Variants in CWF19L1 observed in about 807,000 individuals in gnomAD.
CWF19L1 encodes CWF19-like protein 1.
CWF19L1 carries 60 observed loss-of-function variants against 69.7 expected under a neutral mutation model. That is an observed-to-expected ratio of 0.86 (90% CI 0.70 to 1.07). The LOEUF is 1.07. CWF19L1 is among the 50% of genes least tolerant of loss of function. CWF19L1 has a pLI of 0.00. For missense variants in CWF19L1, 591 were observed against 638.9 expected (o/e 0.92, Z 0.81); for synonymous variants, 209 against 222.2 (o/e 0.94, Z 0.53).
intron 4 of CWF19L1, among the ~76,000 whole-genome samples, chr10:100,256,816 A>G (rs1333105916): frequency 2.0e-5 from 3 of 152,230 alleles, no homozygotes; most frequent in Non-Finnish European, 4.4e-5. Context: ...ACATGGACTT[A>G]AATGCAGACA....
chr10:100,235,483 G>A (rs957826094), intron 13 of CWF19L1, among the ~76,000 whole-genome samples, 184 bp downstream of exon 13: 1 of 152,162 alleles, frequency 6.6e-6, no homozygotes, highest in South Asian at 2.1e-4. Context: ...CCAAAACTCT[G>A]TCATGGTACT....
intron 1 of CWF19L1, among the ~76,000 whole-genome samples, chr10:100,262,680 T>C (rs1415916162): frequency 6.6e-6 from 1 of 152,156 alleles, no homozygotes; most frequent in East Asian, 1.9e-4. Context: ...AACAGAGGTA[T>C]GTGTGAAGTG....
chr10:100,263,845 A>G (rs1344005387), intron 1 of CWF19L1, among the ~76,000 whole-genome samples: 1 of 152,228 alleles, frequency 6.6e-6, no homozygotes, highest in Non-Finnish European at 1.5e-5. Flanking sequence ...ACCTAATCCC[A>G]GCTGTTCTCT....
intron 1 of CWF19L1, among the ~76,000 whole-genome samples, chr10:100,263,366 C>T (rs1007670812): frequency 6.6e-6 from 1 of 152,192 alleles, no homozygotes; most frequent in Non-Finnish European, 1.5e-5. Context: ...TTTTTCCCAT[C>T]CTTCAAGGTT....
chr10:100,237,382 C>T, intron 11 of CWF19L1: 1 of 415,376 alleles, frequency 2.4e-6, no homozygotes, highest in South Asian at 1.8e-5. Flanking sequence ...TAAGCTTTCC[C>T]TCATGCTGGG....
chr10:100,253,060 G>C (rs1293969421), intron 6 of CWF19L1, among the ~76,000 whole-genome samples: 6 of 152,240 alleles, frequency 3.9e-5, no homozygotes, highest in African/African-American at 1.4e-4. Flanking sequence ...CCAGGCTAGA[G>C]TGCAGTGGCT....
At chr10:100,236,510 C>T (rs1284553500) in intron 12 of CWF19L1, among the ~76,000 whole-genome samples, 1 of 152,150 alleles carries the variant, frequency 6.6e-6, no homozygotes, top group Non-Finnish European at 1.5e-5. Flanking sequence ...GCGTGGGTGG[C>T]TCATGCCTGT....
At position 100,262,510 on chromosome 10, in the gene CWF19L1, T is replaced by C. The variant is rs114830142; in HGVS notation, c.24-447A>G. 1,458 of 972,364 alleles carry C rather than the reference T, an allele frequency of 1.5e-3. 23 individuals carry two copies. The African/African-American group carries it at 0.024, about 16-fold the overall frequency. 60.2% of individuals were successfully genotyped at this position (972,364 alleles called of 1,614,324 possible). On this transcript the variant is annotated intron_variant, in intron 1 of 13. Transcript: ENST00000354105. Reference sequence around the variant, plus strand: ...AGTCATTCATTTGATAAACAGGTACTGGACACCTACCATACGCTAAGTACA... The same window carrying C: ...AGTCATTCATTTGATAAACAGGTACCGGACACCTACCATACGCTAAGTACA...
chr10:100,255,909 G>A (rs1008425000), intron 5 of CWF19L1, among the ~76,000 whole-genome samples: 1 of 151,610 alleles, frequency 6.6e-6, no homozygotes, highest in Non-Finnish European at 1.5e-5. Flanking sequence ...CAACCTGGGC[G>A]ACAGAGTGAG....
Position 100,255,214 on chromosome 10 carries a change from T to C in CWF19L1, c.504+1048A>G, listed in dbSNP as rs150800930. On this transcript the variant is annotated intron_variant, in intron 5 of 13. Transcript: ENST00000354105. ...TCCTGGTGTACCATCCTTTTCAAGA[T>C]TACTCATAAAATATTAAAATCTGGC... Among the ~76,000 whole-genome samples, 373 of 152,306 alleles carry C rather than the reference T, an allele frequency of 2.4e-3. 2 individuals carry two copies. Among genetic ancestry groups the C allele is most frequent in the African/African-American group, 8.7e-3 (363 of 41,570 alleles).
chr10:100,243,890 C>T (rs762846198), intron 9 of CWF19L1, 113 bp from the exon 10 acceptor site: 1 of 805,708 alleles, frequency 1.2e-6, no homozygotes, highest in Non-Finnish European at 2.1e-6. Flanking sequence ...TGGTATACAA[C>T]ACTGCCACAA....
At chr10:100,263,605 GAA>G (rs1847474977) in intron 1 of CWF19L1, among the ~76,000 whole-genome samples, 1 of 152,148 alleles carries the variant, frequency 6.6e-6, no homozygotes, top group African/African-American at 2.4e-5. Flanking sequence ...TTGTCACACG[GAA>G]TTACCATTGT....
intron 11 of CWF19L1, 75 bp downstream of exon 11, chr10:100,237,947 C>T: frequency 1.4e-6 from 2 of 1,420,266 alleles, no homozygotes; most frequent in Non-Finnish European, 2.0e-6. Flanking sequence ...CCTCGCCCAG[C>T]CTATTTAAAT....
chr10:100,253,166 C>T (rs1477519812), intron 6 of CWF19L1, among the ~76,000 whole-genome samples: 1 of 152,142 alleles, frequency 6.6e-6, no homozygotes. Flanking sequence ...ACCACAGACA[C>T]ACACCATCAT....
intron 1 of CWF19L1, among the ~76,000 whole-genome samples, chr10:100,264,932 G>A (rs1175098682): frequency 6.6e-6 from 1 of 151,928 alleles, no homozygotes; most frequent in Non-Finnish European, 1.5e-5. Flanking sequence ...ACCAGCCTGG[G>A]TAACATAGCA....
At position 100,241,375 on chromosome 10, in the gene CWF19L1, G is replaced by A. The variant is rs199686216; in HGVS notation, c.1044+2323C>T. Among the ~76,000 whole-genome samples, 23 of 152,266 alleles carry A rather than the reference G, an allele frequency of 1.5e-4. No homozygotes were observed. The East Asian group carries it at 4.3e-3, about 28-fold the overall frequency. On this transcript the variant is annotated intron_variant, in intron 10 of 13. Transcript: ENST00000354105. ...TCAGGTGGAAACAACACAGGCAGAAGTGTAACTCCTTAAAGTGTAAGATGA... is the reference window on the plus strand; with the variant it reads ...TCAGGTGGAAACAACACAGGCAGAAATGTAACTCCTTAAAGTGTAAGATGA...
intron 13 of CWF19L1, 81 bp from the exon 14 acceptor site, chr10:100,233,452 A>AT (rs1208566362): frequency 2.7e-6 from 4 of 1,462,926 alleles, no homozygotes; most frequent in Non-Finnish European, 3.7e-6. Context: ...AGGTATGCAA[A>AT]TTTCTCTGAC....
At position 100,246,782 on chromosome 10, in the gene CWF19L1, A is replaced by C; in HGVS notation, c.849+13T>G. 4 of 1,604,954 alleles carry C rather than the reference A, an allele frequency of 2.5e-6. No homozygotes were observed. The South Asian group carries it at 3.3e-5, about 13-fold the overall frequency. On this transcript the variant is annotated intron_variant, in intron 8 of 13. Coordinates refer to ENST00000354105, the MANE Select transcript of CWF19L1 (RefSeq NM_018294.6). ...AACACATATAAAAATGCCAACCCTC[A>C]ATCAGAACATACCACAGGGGCAAGA...
intron 7 of CWF19L1, among the ~76,000 whole-genome samples, chr10:100,247,873 G>A (rs1315915370): frequency 6.6e-6 from 1 of 152,052 alleles, no homozygotes; most frequent in Non-Finnish European, 1.5e-5. Flanking sequence ...TCCAGCCTGG[G>A]CAATAGACAG....
Sources: gnomAD v4.1 joint callset for allele counts (sites outside exome capture counted in the v4.1 genomes callset) on GRCh38, gnomAD v4.1.1 for gene constraint, MANE v1.5 for transcripts, NCBI Gene and HGNC (gene_info 2026-07-23, HGNC 2026-07-21) for gene names.